NXPE2: variants seen among roughly 807,000 people sequenced by gnomAD.
NXPE2 encodes NXPE family member 2.
In NXPE2, 34 loss-of-function variants were observed where a neutral mutation model predicts 34.4. The observed-to-expected ratio is 0.99, with a 90% CI of 0.75 to 1.31. The LOEUF (loss-of-function observed/expected upper bound fraction) is 1.31, where lower values mean the gene tolerates loss of function less well. Among genes scored for constraint, NXPE2 ranks in the 40% most tolerant of loss-of-function variants. The pLI, the probability that NXPE2 is intolerant of heterozygous loss-of-function variation, is 0.00. For missense variants in NXPE2, 649 were observed against 672.5 expected (o/e 0.97, Z 0.39); for synonymous variants, 235 against 231.3 (o/e 1.02, Z -0.15).
the NXPE2 span, among the ~76,000 whole-genome samples, chr11:114,493,684 G>C: frequency 6.6e-6 from 1 of 151,974 alleles, no homozygotes; most frequent in Non-Finnish European, 1.5e-5. Flanking sequence ...TTGAAAAGTT[G>C]TAGTTATTAT....
chr11:114,625,948 G>A, the NXPE2 span, among the ~76,000 whole-genome samples: 5 of 152,108 alleles, frequency 3.3e-5, no homozygotes, highest in African/African-American at 7.2e-5. Flanking sequence ...ACTCCCACCC[G>A]AATACTGCAC....
chr11:114,550,409 A>G, the NXPE2 span, among the ~76,000 whole-genome samples: 1 of 152,180 alleles, frequency 6.6e-6, no homozygotes, highest in African/African-American at 2.4e-5. Flanking sequence ...GAAAATCAGA[A>G]ATAGACCTCA....
chr11:114,675,470 A>G (rs1042192052), upstream of NXPE2, among the ~76,000 whole-genome samples: 1 of 151,930 alleles, frequency 6.6e-6, no homozygotes, highest in African/African-American at 2.4e-5. Flanking sequence ...GCAGGATACA[A>G]AATTCACTGC....
At position 114,698,346 on chromosome 11, in the gene NXPE2, A is replaced by G. The variant is rs765779594; in HGVS notation, c.434A>G (p.Tyr145Cys). 4 of 1,613,876 alleles carry G rather than the reference A, an allele frequency of 2.5e-6. No homozygotes were observed. Among genetic ancestry groups the G allele is most frequent in the African/African-American group, 2.7e-5 (2 of 74,910 alleles). Residue 145 changes from tyrosine (Y) to cysteine (C), a missense_variant, in exon 3 of 6, where the codon TAT (tyrosine) becomes TGT (cysteine). By Grantham distance (194) the Tyr-to-Cys change is radical. Coordinates refer to ENST00000389586, the MANE Select transcript of NXPE2 (RefSeq NM_182495.6). ...GACCACTTGGGACACAGGAAGCAAT[A>G]TGGTGGGGATTTCCTGAGGGCCAGG... ...VRDHLGHRKQ[Y>C]GGDFLRARMY... is the part of the protein sequence containing the mutation.
the NXPE2 span, chr11:114,583,940 G>C: frequency 1.8e-5 from 7 of 391,984 alleles, no homozygotes; most frequent in East Asian, 4.1e-4. Flanking sequence ...TCTGCTCCTA[G>C]ATGGGATTGA....
the NXPE2 span, among the ~76,000 whole-genome samples, chr11:114,750,170 AAGG>A: frequency 6.6e-6 from 1 of 152,092 alleles, no homozygotes. Flanking sequence ...TGCCTACCTA[AAGG>A]TGTTAGAATC....
chr11:114,564,067 T>G, the NXPE2 span, among the ~76,000 whole-genome samples: 1 of 152,072 alleles, frequency 6.6e-6, no homozygotes, highest in Non-Finnish European at 1.5e-5. Context: ...TGCCCATCAA[T>G]CAATGAGTGG....
the NXPE2 span, among the ~76,000 whole-genome samples, chr11:114,803,584 C>CTCTCTCT: frequency 1.0e-3 from 144 of 144,580 alleles, no homozygotes; most frequent in Admixed American, 1.9e-3. Flanking sequence ...CTCTCTCTCT[C>CTCTCTCT]TTTTTTTTTT....
the NXPE2 span, among the ~76,000 whole-genome samples, chr11:114,603,459 GGAT>G: frequency 6.6e-6 from 1 of 151,320 alleles, no homozygotes; most frequent in Admixed American, 6.6e-5. Context: ...ATTACCTGGT[GGAT>G]GATAAGTATT....
At chr11:114,566,549 G>A in the NXPE2 span, among the ~76,000 whole-genome samples, 1 of 152,160 alleles carries the variant, frequency 6.6e-6, no homozygotes, top group Non-Finnish European at 1.5e-5. Flanking sequence ...TGGCAGGAGC[G>A]ATTTAGAACA....
chr11:114,547,978 A>G, the NXPE2 span, among the ~76,000 whole-genome samples: 1 of 152,202 alleles, frequency 6.6e-6, no homozygotes, highest in Non-Finnish European at 1.5e-5. Context: ...TAAAGTAAAA[A>G]GTTTATTAAA....
chr11:114,705,375 G>C (rs1951452068), intron 4 of NXPE2, among the ~76,000 whole-genome samples: 1 of 152,214 alleles, frequency 6.6e-6, no homozygotes, highest in Non-Finnish European at 1.5e-5. Context: ...TGGATTAGTA[G>C]TTTGAGGAAG....
At chr11:114,807,281 A>C in the NXPE2 span, among the ~76,000 whole-genome samples, 1 of 152,202 alleles carries the variant, frequency 6.6e-6, no homozygotes, top group Non-Finnish European at 1.5e-5. Context: ...AAACTGCATC[A>C]ACTAACGAGC....
At chr11:114,633,167 A>T in the NXPE2 span, among the ~76,000 whole-genome samples, 2 of 127,398 alleles carry the variant, frequency 1.6e-5, no homozygotes, top group Non-Finnish European at 3.1e-5. Flanking sequence ...ATTTTATTTT[A>T]TATAATTTAT....
chr11:114,706,369 A>T (rs1183310966), intron 5 of NXPE2, 26 bp from the exon 6 acceptor site: 1 of 1,485,056 alleles, frequency 6.7e-7, no homozygotes, highest in South Asian at 1.4e-5. Flanking sequence ...TTTTGTTAAA[A>T]TATTTATTGA....
At chr11:114,669,186 T>C in the NXPE2 span, among the ~76,000 whole-genome samples, 1 of 152,238 alleles carries the variant, frequency 6.6e-6, no homozygotes, top group East Asian at 1.9e-4. Flanking sequence ...TGATGCACAT[T>C]ATAAAACAAA....
At chr11:114,555,491 C>T in the NXPE2 span, among the ~76,000 whole-genome samples, 2 of 152,198 alleles carry the variant, frequency 1.3e-5, no homozygotes, top group African/African-American at 4.8e-5. Context: ...TCCCAAAGTG[C>T]TGGGATTACA....
At chr11:114,625,577 G>A in the NXPE2 span, among the ~76,000 whole-genome samples, 27 of 152,124 alleles carry the variant, frequency 1.8e-4, no homozygotes, top group Non-Finnish European at 2.5e-4. Context: ...GTATTGCCTC[G>A]TGGGTAACCA....
the NXPE2 span, among the ~76,000 whole-genome samples, chr11:114,576,668 G>A: frequency 6.6e-6 from 1 of 151,780 alleles, no homozygotes; most frequent in African/African-American, 2.4e-5. Flanking sequence ...TGTAAGAAAG[G>A]CCATATTCAA....
Sources: allele counts gnomAD v4.1 joint callset (sites outside exome capture counted in the v4.1 genomes callset), GRCh38; gene constraint gnomAD v4.1.1; transcripts MANE v1.5; gene names NCBI Gene and HGNC (gene_info 2026-07-23, HGNC 2026-07-21).